The following RGS6 variants were observed in gnomAD, a reference collection of about 807,000 sequenced individuals.
The protein encoded by RGS6 is regulator of G-protein signaling 6.
A neutral mutation model predicts 78.5 loss-of-function variants in RGS6; 30 were observed. The observed-to-expected ratio is 0.38, with a 90% confidence interval of 0.29 to 0.52. The LOEUF (loss-of-function observed/expected upper bound fraction) is 0.52. Among genes scored for constraint, RGS6 ranks in the 20% least tolerant of loss-of-function variants. The pLI, the probability that RGS6 is intolerant of heterozygous loss-of-function variation, is 0.85. For missense variants in RGS6, 495 were observed against 609.7 expected (o/e 0.81, Z 1.98); for synonymous variants, 206 against 206.0 (o/e 1.00, Z 0.00).
At chr14:72,366,224 T>C (rs1285913184) in intron 3 of RGS6, among the ~76,000 whole-genome samples, 2 of 152,102 alleles carry the variant, frequency 1.3e-5, no homozygotes, top group Non-Finnish European at 2.9e-5. Flanking sequence ...CAGGACAAAC[T>C]CATAGGTGAA....
At chr14:72,398,467 G>A (rs2091843615) in intron 3 of RGS6, among the ~76,000 whole-genome samples, 2 of 151,954 alleles carry the variant, frequency 1.3e-5, no homozygotes, top group African/African-American at 2.4e-5. Context: ...TCTTGCTAGT[G>A]GTCTATCAAT....
chr14:72,407,828 G>C (rs543908822), intron 3 of RGS6, among the ~76,000 whole-genome samples: 1 of 152,300 alleles, frequency 6.6e-6, no homozygotes, highest in African/African-American at 2.4e-5. Flanking sequence ...TACTACTGTT[G>C]CTTTCTTGAC....
intron 2 of RGS6, among the ~76,000 whole-genome samples, chr14:72,274,821 C>T (rs560450071): frequency 2.0e-5 from 3 of 152,272 alleles, no homozygotes; most frequent in South Asian, 4.2e-4. Flanking sequence ...CCAACTCATC[C>T]GAGGACTTCT....
At chr14:72,021,400 A>G (rs1329587348) in intron 2 of RGS6, among the ~76,000 whole-genome samples, 2 of 150,132 alleles carry the variant, frequency 1.3e-5, no homozygotes, top group Non-Finnish European at 3.0e-5. Context: ...CATACCACAC[A>G]CTGGATCCTC....
chr14:72,596,613 C>G, the RGS6 span, among the ~76,000 whole-genome samples: 1 of 152,148 alleles, frequency 6.6e-6, no homozygotes, highest in Middle Eastern at 3.4e-3. Context: ...ATAGAGCTGC[C>G]CAGAGGAAGA....
intron 2 of RGS6, among the ~76,000 whole-genome samples, chr14:72,292,920 C>A (rs1480945457): frequency 6.6e-6 from 1 of 152,216 alleles, no homozygotes; most frequent in Non-Finnish European, 1.5e-5. Context: ...ATTTTCTGAA[C>A]GCATCACTTT....
intron 2 of RGS6, among the ~76,000 whole-genome samples, chr14:72,268,466 A>C (rs1313864265): frequency 2.0e-5 from 3 of 152,216 alleles, no homozygotes; most frequent in Non-Finnish European, 4.4e-5. Context: ...TCTCAGCCTG[A>C]GGGAAATGGA....
chr14:72,088,572 A>G (rs2095144560), intron 2 of RGS6, among the ~76,000 whole-genome samples: 1 of 151,914 alleles, frequency 6.6e-6, no homozygotes, highest in Non-Finnish European at 1.5e-5. Context: ...TAACTATGAG[A>G]TTTTTCTGCT....
In RGS6 at chr14:72,392,273, T is replaced by C. The variant is rs78373179; in HGVS notation, c.184+40079T>C. On this transcript the variant is annotated intron_variant, in intron 3 of 17. Coordinates refer to ENST00000553525, the MANE Select transcript of RGS6 (RefSeq NM_001204424.2). ...GCAGCCTCTGTGAGGCTGTTGTCTT[T>C]ACATCTGACCATGAGATGTTGGAGC... is the stretch of plus-strand genomic sequence containing the variant. Among the ~76,000 whole-genome samples the C allele has an allele frequency of 2.2e-3, 332 of 152,208 alleles. 14 individuals carry two copies. The East Asian group carries it at 0.057, about 26-fold the overall frequency.
rs141533634 is a variant in RGS6 at position 71,970,521 on chromosome 14, C to T, written c.84+5646C>T. On this transcript the variant is annotated intron_variant, in intron 2 of 17. Coordinates refer to ENST00000553525, the MANE Select transcript of RGS6 (RefSeq NM_001204424.2). ...TGCAGCAAGAAGGGAAGGATCTAGC[C>T]TGGAAGAATCCGATGCTATGGAGGA... 4.8e-3 allele frequency among the ~76,000 whole-genome samples: 726 copies of T among 152,276 alleles called. 5 individuals are homozygous for T. Among genetic ancestry groups the T allele is most frequent in the African/African-American group, 0.017 (700 of 41,548 alleles).
chr14:72,556,703 G>T, intron 17 of RGS6, among the ~76,000 whole-genome samples: 1 of 140,322 alleles, frequency 7.1e-6, no homozygotes. Context: ...GGTGGGGGGT[G>T]CTGTTGCAAG....
chr14:72,376,891 T>A (rs1358981592), intron 3 of RGS6, among the ~76,000 whole-genome samples: 5 of 152,050 alleles, frequency 3.3e-5, no homozygotes, highest in African/African-American at 4.8e-5. Context: ...CATGCAGAAC[T>A]ATAAAACTTA....
intron 2 of RGS6, among the ~76,000 whole-genome samples, chr14:72,292,201 A>G (rs373784770): frequency 3.3e-5 from 5 of 152,246 alleles, no homozygotes; most frequent in East Asian, 3.9e-4. Context: ...AATAAGCTAC[A>G]TGTTTGAGTC....
chr14:72,383,177 C>CATATATATATATATAT lies in RGS6; in HGVS notation c.184+31005_184+31020dup, dbSNP rs35175623. 2.4e-4 allele frequency among the ~76,000 whole-genome samples: 17 copies of CATATATATATATATAT among 71,020 alleles called. 1 individual carries two copies. Among genetic ancestry groups the CATATATATATATATAT allele is most frequent in the Non-Finnish European group, 3.2e-4 (11 of 34,134 alleles). 46.6% of individuals were successfully genotyped at this position (71,020 alleles called of 152,430 possible). A position where few individuals can be genotyped will look rare whatever the true frequency, so the allele number is the denominator to read the frequency against. ...TATTTACAGCCATGAAAAAATTGTA[C>CATATATATATATATAT]ATATATATATATATATATATATATA... On this transcript the variant is annotated intron_variant, in intron 3 of 17. Transcript: ENST00000553525.
chr14:72,434,625 C>G (rs1421236518), intron 3 of RGS6, among the ~76,000 whole-genome samples: 2 of 152,192 alleles, frequency 1.3e-5, no homozygotes, highest in Non-Finnish European at 1.5e-5. Flanking sequence ...ATTCATCTGT[C>G]TTCTCCCTGG....
At chr14:72,461,708 C>G (rs1019571540) in intron 6 of RGS6, among the ~76,000 whole-genome samples, 2 of 152,028 alleles carry the variant, frequency 1.3e-5, no homozygotes, top group Non-Finnish European at 2.9e-5. Flanking sequence ...AAAGAAAAAC[C>G]AGTACTCCCC....
At chr14:72,437,633 C>G (rs1485607845) in intron 3 of RGS6, among the ~76,000 whole-genome samples, 2 of 152,214 alleles carry the variant, frequency 1.3e-5, no homozygotes, top group African/African-American at 4.8e-5. Flanking sequence ...TTTTCCCATT[C>G]ACAGGGTTTT....
chr14:72,020,833 A>T (rs1002709712), intron 2 of RGS6, among the ~76,000 whole-genome samples: 1 of 152,234 alleles, frequency 6.6e-6, no homozygotes, highest in African/African-American at 2.4e-5. Context: ...CAGGTGGTAG[A>T]ACACATCAGT....
the RGS6 span, among the ~76,000 whole-genome samples, chr14:72,571,546 A>T: frequency 6.6e-6 from 1 of 152,246 alleles, no homozygotes; most frequent in Non-Finnish European, 1.5e-5. Flanking sequence ...GATTTTTAAC[A>T]AGAGTGTCAA....
Sources: gnomAD v4.1 joint callset for allele counts (sites outside exome capture counted in the v4.1 genomes callset) on GRCh38, gnomAD v4.1.1 for gene constraint, MANE v1.5 for transcripts, NCBI Gene and HGNC (gene_info 2026-07-23, HGNC 2026-07-21) for gene names.